The following XIST variants were observed in gnomAD, a reference collection of about 807,000 sequenced individuals.
The protein encoded by XIST is X inactive specific transcript.
At chrX:73,838,658 C>G (rs1416945242) in intron 1 of XIST, among the ~76,000 whole-genome samples, 1 of 111,174 alleles carries the variant, frequency 9.0e-6, no homozygotes, top group Admixed American at 9.6e-5. Context: ...GCCTAAGTCA[C>G]CAACAAAAAC....
chrX:73,824,240 G>A (rs1395391332), exon 6 of XIST: 1 of 515,125 alleles, frequency 1.9e-6, no homozygotes, highest in East Asian at 3.6e-5. Context: ...TACTATAGTG[G>A]CATTCTTCAG....
chrX:73,851,271 T>G, exon 1 of XIST: 1 of 559,001 alleles, frequency 1.8e-6, no homozygotes. Flanking sequence ...GATATACATA[T>G]GACAACGCCT....
At chrX:73,850,515 A>C (rs1325613965) in exon 1 of XIST, 1 of 544,698 alleles carries the variant, frequency 1.8e-6, no homozygotes, top group Non-Finnish European at 3.3e-6. Flanking sequence ...AGCATTAGCC[A>C]AGGGGTAGGT....
chrX:73,843,073 G>A (rs1233244973), exon 1 of XIST: 2 of 556,404 alleles, frequency 3.6e-6, no homozygotes, highest in East Asian at 3.3e-5. Flanking sequence ...TTATGCCATG[G>A]GAAACTAAGG....
chrX:73,849,040 G>A (rs1265274997), exon 1 of XIST: 3 of 559,236 alleles, frequency 5.4e-6, no homozygotes, highest in Admixed American at 4.4e-5. Flanking sequence ...AAAGGCCATA[G>A]TGTAACTAAC....
exon 1 of XIST, chrX:73,851,209 C>T (rs1000336578): frequency 3.6e-6 from 2 of 559,579 alleles, no homozygotes; most frequent in Non-Finnish European, 6.5e-6. Context: ...CAAAACCCGC[C>T]ATCTTTAACA....
rs1390813508 is a variant in XIST at position 73,833,590 on chromosome X, G to C, written n.11407-216C>G. The C allele has an allele frequency of 1.9e-5, 5 of 268,274 alleles. No homozygotes were observed. In the Admixed American group the frequency reaches 3.0e-4, roughly 16 times the overall value. The allele number at this position is 268,274 out of a possible 1,213,427, so 22.1% of individuals were successfully genotyped here. Reference sequence around the variant, plus strand: ...GGAAGATTAGACAAGTGAAGAAAAAGAACTACATGAAAATATGGGTCAAAC... The same window carrying C: ...GGAAGATTAGACAAGTGAAGAAAAACAACTACATGAAAATATGGGTCAAAC... On this transcript the variant is annotated intron_variant and non_coding_transcript_variant, in intron 2 of 5. Coordinates refer to ENST00000429829, the Ensembl canonical transcript of XIST.
At chrX:73,848,902 G>C (rs1403517089) in exon 1 of XIST, 1 of 556,778 alleles carries the variant, frequency 1.8e-6, no homozygotes. Context: ...AATGATAAAG[G>C]CATACACATA....
exon 1 of XIST, chrX:73,850,651 C>T (rs1186758258): frequency 2.0e-6 from 1 of 496,599 alleles, no homozygotes; most frequent in East Asian, 3.6e-5. Flanking sequence ...GAGCACTGCC[C>T]ATGGCAACAG....
chrX:73,849,067 G>A (rs985442134), exon 1 of XIST: 1 of 559,123 alleles, frequency 1.8e-6, no homozygotes, highest in African/African-American at 2.2e-5. Context: ...ATGGATAATT[G>A]GGATTTTACT....
rs903089785 is a variant in XIST, at chrX:73,821,414, A to G, written n.18487T>C. 5 of 556,152 alleles carry G rather than the reference A, an allele frequency of 9.0e-6. No individual in the cohort carries two copies. The African/African-American group carries it at 1.1e-4, about 12-fold the overall frequency. The allele number at this position is 556,152 out of a possible 1,213,427, so 45.8% of individuals were successfully genotyped here. On this transcript the variant is annotated non_coding_transcript_exon_variant, in exon 6 of 6. Transcript: ENST00000429829. ...GCTTTAAGATAATCTTATGACAAGA[A>G]GGGTCACACTGATTCACTTAATAAA...
chrX:73,845,376 G>C, exon 1 of XIST: 2 of 558,320 alleles, frequency 3.6e-6, no homozygotes, highest in South Asian at 4.4e-5. Flanking sequence ...TATTCAGATG[G>C]GATGGGCCAT....
chrX:73,821,945 T>C, exon 6 of XIST: 2 of 557,228 alleles, frequency 3.6e-6, no homozygotes. Context: ...AGCTGTTGCA[T>C]GAGAAATCAT....
At position 73,850,391 on chromosome X, in the gene XIST, C is replaced by T. The variant is rs773637368; in HGVS notation, n.2333G>A. 1.3e-5 allele frequency: 7 copies of T among 538,348 alleles called. No individual in the cohort carries two copies. The South Asian group carries it at 1.4e-4, about 11-fold the overall frequency. The allele number at this position is 538,348 out of a possible 1,213,427, so 44.4% of individuals were successfully genotyped here. A position where few individuals can be genotyped will look rare whatever the true frequency, so the allele number is the denominator to read the frequency against. On this transcript the variant is annotated non_coding_transcript_exon_variant, in exon 1 of 6. Coordinates refer to ENST00000429829, the Ensembl canonical transcript of XIST. ...AAAGTGAATTCTACAAATAAAGCCT[C>T]TTAATACATTTCTATAATAGTCACT...
chrX:73,851,545 T>A, exon 1 of XIST: 1 of 559,178 alleles, frequency 1.8e-6, no homozygotes, highest in Non-Finnish European at 3.2e-6. Flanking sequence ...AATGCCGCAA[T>A]GTCAAAATCG....
exon 6 of XIST, chrX:73,823,386 G>A: frequency 2.0e-6 from 1 of 508,814 alleles, no homozygotes; most frequent in Non-Finnish European, 3.5e-6. Context: ...ACGAAACATA[G>A]TACCTTGCAG....
At chrX:73,833,208 A>G (rs1225609941) in intron 3 of XIST, 1 of 550,893 alleles carries the variant, frequency 1.8e-6, no homozygotes, top group Non-Finnish European at 3.3e-6. Flanking sequence ...CAAAGACAGA[A>G]GCACTACAAC....
exon 6 of XIST, chrX:73,825,183 A>C (rs971971940): frequency 1.1e-5 from 6 of 547,971 alleles, no homozygotes; most frequent in Non-Finnish European, 2.0e-5. Flanking sequence ...AGTATATTTT[A>C]AAGTTTAAAA....
chrX:73,849,439 G>GT (rs1922857284), exon 1 of XIST: 2 of 557,149 alleles, frequency 3.6e-6, no homozygotes, highest in Non-Finnish European at 6.5e-6. Flanking sequence ...GGCCAACACA[G>GT]TACACAAGAA....
Sources: gnomAD v4.1 joint callset for allele counts (sites outside exome capture counted in the v4.1 genomes callset) on GRCh38, gnomAD v4.1.1 for gene constraint, MANE v1.5 for transcripts, NCBI Gene and HGNC (gene_info 2026-07-23, HGNC 2026-07-21) for gene names.